The following CASS4 variants were observed in gnomAD, a reference collection of about 807,000 sequenced individuals.
The protein encoded by CASS4 is Cas scaffold protein family member 4, also known as cas scaffolding protein family member 4.
CASS4 carries 22 observed loss-of-function variants against 54.2 expected under a neutral mutation model. That is an observed-to-expected ratio of 0.41 (90% CI 0.29 to 0.58). The LOEUF (loss-of-function observed/expected upper bound fraction) is 0.58, where lower values mean the gene tolerates loss of function less well. CASS4 is among the 20% of genes least tolerant of loss of function. The pLI, the probability that CASS4 is intolerant of heterozygous loss-of-function variation, is 0.36. For synonymous variants in CASS4, 409 were observed against 391.5 expected, an observed-to-expected ratio of 1.04 and a Z score of -0.53; for missense variants, 854 against 986.7, an observed-to-expected ratio of 0.87 and a Z score of 1.80.
At chr20:56,450,725 A>T in intron 4 of CASS4, 46 bp downstream of exon 4, 1 of 1,570,022 alleles carries the variant, frequency 6.4e-7, no homozygotes, top group Admixed American at 1.7e-5. Context: ...AACACACAAA[A>T]TCCTCTCAGA....
chr20:56,458,304 G>A, intron 5 of CASS4, 36 bp from the exon 6 acceptor site: 1 of 1,576,852 alleles, frequency 6.3e-7, no homozygotes, highest in East Asian at 2.3e-5. Context: ...CCCATTGATT[G>A]AATCTCCTAT....
At chr20:56,447,525 G>A (rs1980773607) in intron 3 of CASS4, among the ~76,000 whole-genome samples, 1 of 152,248 alleles carries the variant, frequency 6.6e-6, no homozygotes, top group South Asian at 2.1e-4. Context: ...GCTAATAGCA[G>A]TGGCCAGTAT....
chr20:56,446,655 G>A (rs1568679153), intron 3 of CASS4, among the ~76,000 whole-genome samples: 2 of 152,002 alleles, frequency 1.3e-5, no homozygotes, highest in Admixed American at 6.6e-5. Context: ...CTCTGCGGTG[G>A]CGTTCTCCCC....
At position 56,437,032 on chromosome 20, in the gene CASS4, C is replaced by G; in HGVS notation, c.37-132C>G. ...CAAATCAAAGAGCAGGGACAAGAGC[C>G]TCTGGGGTGGAAGAAATGAAATGAA... On this transcript the variant is annotated intron_variant, in intron 1 of 5. Coordinates refer to ENST00000679887, the MANE Select transcript of CASS4 (RefSeq NM_020356.4). This position sits in a 1 kb window ranked among gnomAD's most constrained non-coding sequence, Gnocchi z 4.7. 1 of 822,730 alleles carries G rather than the reference C, an allele frequency of 1.2e-6. No homozygotes were observed. Among genetic ancestry groups the G allele is most frequent in the Non-Finnish European group, 1.9e-6 (1 of 528,976 alleles). 51.0% of individuals were successfully genotyped at this position (822,730 alleles called of 1,614,324 possible).
chr20:56,438,734 G>A (rs2146282965), intron 2 of CASS4, among the ~76,000 whole-genome samples: 1 of 152,322 alleles, frequency 6.6e-6, no homozygotes, highest in South Asian at 2.1e-4. Flanking sequence ...GCAGGCACCT[G>A]TAATTCCAGC....
At chr20:56,442,196 A>C (rs1040519904) in intron 2 of CASS4, among the ~76,000 whole-genome samples, 3 of 151,840 alleles carry the variant, frequency 2.0e-5, no homozygotes, top group Admixed American at 2.0e-4. Flanking sequence ...ACATCCGAGA[A>C]GGTGGAAACA....
At chr20:56,453,981 G>T (rs1436237292) in intron 5 of CASS4, 2 of 152,270 alleles carry the variant, frequency 1.3e-5, no homozygotes, top group Non-Finnish European at 2.9e-5. Flanking sequence ...AGGAGTTTGA[G>T]ACCAGCCTGG....
intron 3 of CASS4, among the ~76,000 whole-genome samples, chr20:56,448,014 T>C (rs1409227010): frequency 1.3e-5 from 2 of 151,838 alleles, no homozygotes; most frequent in South Asian, 2.1e-4. Context: ...TGGTGGCAGG[T>C]GCCTGTAGTC....
chr20:56,439,463 G>A (rs1275310907), intron 2 of CASS4, among the ~76,000 whole-genome samples: 1 of 151,892 alleles, frequency 6.6e-6, no homozygotes, highest in Non-Finnish European at 1.5e-5. Flanking sequence ...TTGAGCCCAG[G>A]AGTTTGAGAC....
Position 56,437,297 on chromosome 20 carries a change from A to G in CASS4, c.170A>G (p.His57Arg). 1 of 1,614,140 alleles carries G rather than the reference A, an allele frequency of 6.2e-7. No homozygotes were observed. The highest frequency in any genetic ancestry group is 2.2e-5 in the East Asian group (1 of 44,876). ...GAGGGTTGGTGGAAGTGTTTGCTCC[A>G]TGGGAGGCAAGGCCTGGCCCCTGCC... ...ESEGWWKCLL[H>R]GRQGLAPANR... is the part of the protein sequence containing the mutation. Residue 57 changes from histidine to arginine, a missense_variant, in exon 2 of 6, where the codon CAT becomes CGT. Transcript: ENST00000679887. This position sits in a 1 kb window ranked among gnomAD's most constrained non-coding sequence, Gnocchi z 4.7.
chr20:56,451,539 G>C (rs116103961), intron 4 of CASS4, among the ~76,000 whole-genome samples: 357 of 152,254 alleles, frequency 2.3e-3, no homozygotes, highest in African/African-American at 8.3e-3. Context: ...AACCAGTTTG[G>C]GTAAAATTAA....
intron 1 of CASS4, among the ~76,000 whole-genome samples, chr20:56,420,142 G>C (rs1423916018): frequency 6.6e-6 from 1 of 152,188 alleles, no homozygotes; most frequent in African/African-American, 2.4e-5. Flanking sequence ...TGGCCACTCA[G>C]AGAGTTTCTC....
intron 5 of CASS4, among the ~76,000 whole-genome samples, chr20:56,455,192 T>C (rs182570277): frequency 3.5e-4 from 54 of 152,286 alleles, no homozygotes; most frequent in African/African-American, 1.3e-3. Flanking sequence ...TTCCTTCTAT[T>C]TGTGGTCAAT....
At chr20:56,446,075 A>T in intron 3 of CASS4, 74 bp downstream of exon 3, 1 of 994,752 alleles carries the variant, frequency 1.0e-6, no homozygotes. Flanking sequence ...GATCATGCCC[A>T]CATTGCATTT....
Position 56,452,562 on chromosome 20 carries a change from C to T in CASS4, c.1386C>T (p.Val462=), listed in dbSNP as rs144538897. 6.2e-7 allele frequency: 1 copy of T among 1,614,156 alleles called. No homozygotes were observed. The highest frequency in any genetic ancestry group is 1.7e-5 in the Admixed American group (1 of 60,006). ...VSSVAGLMLF[V]SRKWRFRDYL... Reference sequence around the variant, plus strand: ...CTGTCGCTGGCCTGATGCTCTTTGTCAGCAGGAAGTGGAGATTCCGAGACT... The same window carrying T: ...CTGTCGCTGGCCTGATGCTCTTTGTTAGCAGGAAGTGGAGATTCCGAGACT... The change falls in exon 5 of 6, where the codon GTC becomes GTT. Residue 462 remains valine, a synonymous_variant. Coordinates refer to ENST00000679887, the MANE Select transcript of CASS4 (RefSeq NM_020356.4).
intron 2 of CASS4, 25 bp from the exon 3 acceptor site, chr20:56,445,875 T>G (rs745383088): frequency 6.4e-7 from 1 of 1,554,378 alleles, no homozygotes; most frequent in South Asian, 1.1e-5. Context: ...TTCCTTTTCC[T>G]CTTTTCTCCT....
intron 1 of CASS4, among the ~76,000 whole-genome samples, chr20:56,431,572 A>G (rs1979904458): frequency 6.6e-6 from 1 of 152,216 alleles, no homozygotes; most frequent in South Asian, 2.1e-4. Flanking sequence ...TACAAAATAA[A>G]TCATATATCA....
At chr20:56,413,799 T>A (rs1308875137) in intron 1 of CASS4, among the ~76,000 whole-genome samples, 1 of 151,998 alleles carries the variant, frequency 6.6e-6, no homozygotes, top group Non-Finnish European at 1.5e-5. Context: ...CCCCAACTAC[T>A]TACTTTGAAA....
In CASS4 at chr20:56,451,990, C is replaced by G; in HGVS notation, c.814C>G (p.Leu272Val). ...SFAEESRPHA[L>V]PSSSSTFYNP... ...TGCGGAAGAATCAAGGCCCCACGCT[C>G]TCCCCAGTTCCAGCTCCACTTTCTA... is the stretch of plus-strand genomic sequence containing the variant. The change falls in exon 5 of 6, where the codon CTC becomes GTC. Residue 272 changes from leucine (L) to valine (V), a missense_variant. Physicochemically the swap from Leu to Val is conservative, Grantham distance 32 (BLOSUM62 1). Transcript: ENST00000679887. The G allele has an allele frequency of 6.2e-7, 1 of 1,614,222 alleles. No homozygotes were observed. The highest frequency in any genetic ancestry group is 1.6e-4 in the Middle Eastern group (1 of 6,062).
Sources: allele counts gnomAD v4.1 joint callset (sites outside exome capture counted in the v4.1 genomes callset), GRCh38; gene constraint gnomAD v4.1.1; non-coding constraint Gnocchi (gnomAD v3.1); transcripts MANE v1.5; gene names NCBI Gene and HGNC (gene_info 2026-07-23, HGNC 2026-07-21).